The following PRSS23 variants were observed in gnomAD, a reference collection of about 807,000 sequenced individuals.
PRSS23 encodes the protein serine protease 23.
Under a neutral mutation model 34.7 loss-of-function variants are expected in PRSS23, and 25 were observed. That is an observed-to-expected ratio of 0.72 (90% CI 0.53 to 1.01). The LOEUF (loss-of-function observed/expected upper bound fraction) is 1.01, where lower values mean the gene tolerates loss of function less well. Among genes scored for constraint, PRSS23 ranks in the 50% least tolerant of loss-of-function variants. PRSS23 has a pLI of 0.00. For synonymous variants in PRSS23, 176 were observed against 186.6 expected (o/e 0.94, Z 0.46); for missense variants, 445 against 475.6 (o/e 0.94, Z 0.60).
At chr11:86,952,536 C>T in exon 3 of PRSS23, 1 of 1,568,890 alleles carries the variant, frequency 6.4e-7, no homozygotes, top group South Asian at 1.1e-5. Flanking sequence ...CCAAATGCTC[C>T]CACAAAGCTG....
At chr11:86,885,865 T>G (rs1948799002) in intron 2 of PRSS23, among the ~76,000 whole-genome samples, 1 of 152,240 alleles carries the variant, frequency 6.6e-6, no homozygotes, top group African/African-American at 2.4e-5. Context: ...ATTAGGTCTT[T>G]CATTTTAAAA....
At chr11:86,791,796 G>A (rs866026507) in intron 1 of PRSS23, among the ~76,000 whole-genome samples, 6 of 152,172 alleles carry the variant, frequency 3.9e-5, no homozygotes, top group African/African-American at 1.4e-4. Flanking sequence ...CACACCTGAT[G>A]GCATCCATTC....
chr11:86,910,582 A>G (rs1460140502), intron 2 of PRSS23: 2 of 152,184 alleles, frequency 1.3e-5, no homozygotes, highest in Non-Finnish European at 2.9e-5. Context: ...TTGCTACTCA[A>G]AGGTAATTTC....
chr11:86,864,914 C>T (rs1377198870), intron 2 of PRSS23, among the ~76,000 whole-genome samples: 1 of 152,228 alleles, frequency 6.6e-6, no homozygotes, highest in Non-Finnish European at 1.5e-5. Flanking sequence ...TAAGTGTGAT[C>T]TTCCTGTCTA....
chr11:86,798,578 A>G (rs890445612), upstream of PRSS23, among the ~76,000 whole-genome samples: 4 of 152,260 alleles, frequency 2.6e-5, no homozygotes, highest in African/African-American at 9.6e-5. Flanking sequence ...TGCTGATAGT[A>G]GTCCAGGAAA....
At chr11:86,881,697 G>A (rs59781011) in intron 2 of PRSS23, among the ~76,000 whole-genome samples, 121 of 152,180 alleles carry the variant, frequency 8.0e-4, no homozygotes, top group African/African-American at 2.6e-3. Flanking sequence ...ATGTTTGGTA[G>A]AATTCACCAG....
chr11:86,877,430 G>A (rs1948732203), intron 2 of PRSS23, among the ~76,000 whole-genome samples: 1 of 152,146 alleles, frequency 6.6e-6, no homozygotes, highest in South Asian at 2.1e-4. Flanking sequence ...CACCTGTGCA[G>A]TCTTTGGATT....
At chr11:86,880,581 C>T (rs896760854) in intron 2 of PRSS23, among the ~76,000 whole-genome samples, 11 of 152,020 alleles carry the variant, frequency 7.2e-5, no homozygotes, top group Admixed American at 3.3e-4. Flanking sequence ...TTTGCTGCAC[C>T]TATTAACCCA....
At chr11:86,826,379 A>G (rs900975058) in intron 2 of PRSS23, among the ~76,000 whole-genome samples, 1 of 152,182 alleles carries the variant, frequency 6.6e-6, no homozygotes, top group African/African-American at 2.4e-5. Flanking sequence ...TTATCAGCTT[A>G]AGGAGATTTT....
At position 86,828,809 on chromosome 11, in the gene PRSS23, G is replaced by C. The variant is rs568909941; in HGVS notation, c.206+5216G>C. Among the ~76,000 whole-genome samples the C allele has an allele frequency of 3.3e-5, 5 of 152,312 alleles. No homozygotes were observed. In the South Asian group the frequency reaches 1.0e-3, roughly 32 times the overall value. The stretch of plus-strand genomic sequence containing the variant: ...GTTGAAAATTCTTTTCTTTAAGAGT[G>C]TTGAATATTGGCCCCCACTCTCTTC... On this transcript the variant is annotated intron_variant, in intron 2 of 2. Coordinates refer to the PRSS23 transcript ENST00000533902.
chr11:86,793,814 A>G (rs1947965684), intron 1 of PRSS23, among the ~76,000 whole-genome samples: 1 of 152,238 alleles, frequency 6.6e-6, no homozygotes, highest in Non-Finnish European at 1.5e-5. Context: ...AAAACTATAA[A>G]GACTAAAAAG....
chr11:86,883,042 A>G (rs1948781433), intron 2 of PRSS23, among the ~76,000 whole-genome samples: 1 of 152,006 alleles, frequency 6.6e-6, no homozygotes, highest in Admixed American at 6.6e-5. Flanking sequence ...CTACTTTTTA[A>G]TGGTGTTGTT....
intron 2 of PRSS23, among the ~76,000 whole-genome samples, chr11:86,942,071 G>A (rs766900079): frequency 6.6e-6 from 1 of 152,166 alleles, no homozygotes; most frequent in African/African-American, 2.4e-5. Context: ...TGCTCAGGGA[G>A]CTCAGTTTAG....
chr11:86,929,156 T>C (rs1590932208), intron 2 of PRSS23, among the ~76,000 whole-genome samples: 1 of 151,950 alleles, frequency 6.6e-6, no homozygotes, highest in African/African-American at 2.4e-5. Context: ...ACCCCGTCTC[T>C]ACTAAAAACA....
chr11:86,861,288 A>G lies in PRSS23; in HGVS notation c.206+37695A>G, dbSNP rs529038624. Among the ~76,000 whole-genome samples, 363 of 151,440 alleles carry G rather than the reference A, an allele frequency of 2.4e-3. 2 individuals carry two copies. Among genetic ancestry groups the G allele is most frequent in the Non-Finnish European group, 4.1e-3 (275 of 67,820 alleles). ...CGGGGGGTGTCCACCCCCCTGTGATATGGTTTGTAATATCCGGGGGCGGAG... is the reference window on the plus strand; with the variant it reads ...CGGGGGGTGTCCACCCCCCTGTGATGTGGTTTGTAATATCCGGGGGCGGAG... On this transcript the variant is annotated intron_variant, in intron 2 of 2. Transcript: ENST00000533902.
chr11:86,885,497 C>T (rs1159010966), intron 2 of PRSS23, among the ~76,000 whole-genome samples: 3 of 152,310 alleles, frequency 2.0e-5, no homozygotes, highest in Non-Finnish European at 4.4e-5. Flanking sequence ...ACATTTGAAT[C>T]AGTGGACTGT....
chr11:86,939,426 A>ATATATATATTTTTTT, intron 2 of PRSS23, among the ~76,000 whole-genome samples: 1,617 of 93,676 alleles, frequency 0.017, 23 homozygotes, highest in Admixed American at 0.04. Flanking sequence ...ATATATATAT[A>ATATATATATTTTTTT]TTTTTTAACA....
At chr11:86,938,383 G>T (rs1658367758) in intron 2 of PRSS23, among the ~76,000 whole-genome samples, 1 of 152,182 alleles carries the variant, frequency 6.6e-6, no homozygotes, top group Admixed American at 6.5e-5. Flanking sequence ...ACTTGAAGAA[G>T]AAGAGGAAAC....
In PRSS23 at chr11:86,951,470, TTGTC is replaced by T. The variant is rs80358295; in HGVS notation, c.*191_*194del. 35 of 1,613,988 alleles carry T rather than the reference TTGTC, an allele frequency of 2.2e-5. No homozygotes were observed. Among genetic ancestry groups the T allele is most frequent in the African/African-American group, 5.3e-5 (4 of 74,924 alleles). ...AATCTTGACCATCAGTCTTTCTAAC[TTGTC>T]TGTCTTTGTCCCATCCTTTTGAAGA... On this transcript the variant is annotated 3_prime_UTR_variant, in exon 3 of 3. Transcript: ENST00000533902.
Sources: allele counts gnomAD v4.1 joint callset (sites outside exome capture counted in the v4.1 genomes callset), GRCh38; gene constraint gnomAD v4.1.1; transcripts MANE v1.5; gene names NCBI Gene and HGNC (gene_info 2026-07-23, HGNC 2026-07-21).